The following PACS1 variants were observed in gnomAD, a reference collection of about 807,000 sequenced individuals.
The protein encoded by PACS1 is phosphofurin acidic cluster sorting protein 1.
A neutral mutation model predicts 115.0 loss-of-function variants in PACS1; 24 were observed. The observed-to-expected ratio is 0.21, with a 90% CI of 0.15 to 0.29. The LOEUF is 0.29. Among genes scored for constraint, PACS1 ranks in the 10% least tolerant of loss-of-function variants. PACS1 has a pLI of 1.00. For synonymous variants in PACS1, 453 were observed against 504.5 expected (o/e 0.90, Z 1.37); for missense variants, 838 against 1,251.2 (o/e 0.67, Z 4.98).
chr11:66,231,228 G>A (rs1855586393), intron 13 of PACS1, among the ~76,000 whole-genome samples: 1 of 152,230 alleles, frequency 6.6e-6, no homozygotes, highest in Admixed American at 6.5e-5. Context: ...CCACACCACC[G>A]GTGTCTCTGC....
chr11:66,087,126 A>G (rs943379239), intron 1 of PACS1, among the ~76,000 whole-genome samples: 1 of 150,726 alleles, frequency 6.6e-6, no homozygotes, highest in Non-Finnish European at 1.5e-5. Context: ...TTCTAATACC[A>G]CCCCTCCCAC....
At chr11:66,086,134 CTTTTTTT>C (rs1196106929) in intron 1 of PACS1, among the ~76,000 whole-genome samples, 14 of 122,814 alleles carry the variant, frequency 1.1e-4, no homozygotes, top group Non-Finnish European at 2.1e-4. Flanking sequence ...CTTATGATTT[CTTTTTTT>C]TTTTTTTTTT....
intron 4 of PACS1, among the ~76,000 whole-genome samples, chr11:66,215,612 A>T (rs1855182320): frequency 6.6e-6 from 1 of 151,408 alleles, no homozygotes; most frequent in African/African-American, 2.4e-5. Context: ...ATAATAATAA[A>T]AAACAGGCTG....
chr11:66,224,112 C>T (rs1341124605), intron 10 of PACS1, among the ~76,000 whole-genome samples: 1 of 142,504 alleles, frequency 7.0e-6, no homozygotes, highest in African/African-American at 2.6e-5. Flanking sequence ...CAGAGAATTG[C>T]TTGAACCTGG....
At chr11:66,120,942 G>A in intron 1 of PACS1, 4 of 451,750 alleles carry the variant, frequency 8.9e-6, no homozygotes, top group South Asian at 6.2e-5. Context: ...CAGGGCCTGT[G>A]CACGCCTCTC....
At chr11:66,213,770 A>G (rs1431169271) in intron 4 of PACS1, among the ~76,000 whole-genome samples, 1 of 152,218 alleles carries the variant, frequency 6.6e-6, no homozygotes, top group Non-Finnish European at 1.5e-5. Flanking sequence ...GCAGTGGCTT[A>G]CGCCTGTAAT....
At position 66,233,938 on chromosome 11, in the gene PACS1, C is replaced by T. The variant is rs780838334; in HGVS notation, c.1992C>T (p.Leu664=). ...LGYMRFLIIP[L]GSHPVAKYLG... is the part of the protein sequence containing the mutation. Reference sequence around the variant, plus strand: ...ACATGCGCTTCCTCATCATCCCCCTCGGTAAAGACGGGAGGCACCAGGAGG... The same window carrying T: ...ACATGCGCTTCCTCATCATCCCCCTTGGTAAAGACGGGAGGCACCAGGAGG... Residue 664 remains leucine (L), a splice_region_variant and synonymous_variant, in exon 16 of 24, where the codon CTC becomes CTT. Transcript: ENST00000320580. The surrounding 1 kb of genome is among the most constrained non-coding windows in gnomAD (Gnocchi z 4.5). 2.5e-6 allele frequency: 4 copies of T among 1,570,214 alleles called. No individual in the cohort carries two copies. Among genetic ancestry groups the T allele is most frequent in the East Asian group, 2.3e-5 (1 of 44,422 alleles).
intron 1 of PACS1, among the ~76,000 whole-genome samples, chr11:66,088,543 A>G (rs767359288): frequency 1.3e-5 from 2 of 152,202 alleles, no homozygotes; most frequent in Admixed American, 6.5e-5. Context: ...CACCTTGATC[A>G]TAAGTCCCAT....
intron 10 of PACS1, among the ~76,000 whole-genome samples, chr11:66,226,275 A>T (rs1397106831): frequency 6.6e-6 from 1 of 152,200 alleles, no homozygotes; most frequent in Non-Finnish European, 1.5e-5. Flanking sequence ...GTGAGCCATT[A>T]CACAAGCCAA....
At position 66,239,159 on chromosome 11, in the gene PACS1, C is replaced by T. The variant is rs531498383; in HGVS notation, c.2311C>T (p.Pro771Ser). ...CCTGACAGGCGATGGGGACGATTCT[C>T]CTGTGGTCAGCCTTACTGTGCCCTC... The part of the protein sequence containing the change: ...PSTAGDGDDS[P>S]VVSLTVPSTS... The change falls in exon 21 of 24, where the codon CCT (proline) becomes TCT (serine). Residue 771 changes from proline to serine, a missense_variant. This residue lies in a region of PACS1 where 383 missense variants were observed against 537.0 expected (regional missense o/e 0.71). Coordinates refer to ENST00000320580, the MANE Select transcript of PACS1 (RefSeq NM_018026.4). 9.9e-6 allele frequency: 16 copies of T among 1,614,190 alleles called. No individual in the cohort carries two copies. The highest frequency in any genetic ancestry group is 6.7e-5 in the African/African-American group (5 of 75,076).
intron 21 of PACS1, chr11:66,241,146 TC>T (rs1203859181): frequency 2.4e-6 from 1 of 410,254 alleles, no homozygotes. Context: ...ACACACACTT[TC>T]TTCCTTCATA....
chr11:66,167,362 G>C (rs1289779547), intron 1 of PACS1, among the ~76,000 whole-genome samples: 1 of 134,742 alleles, frequency 7.4e-6, no homozygotes, highest in African/African-American at 3.1e-5. Flanking sequence ...GTTGAGACAG[G>C]GTCTTACTCT....
Position 66,243,423 on chromosome 11 carries a change from A to G in PACS1, c.*143A>G. On this transcript the variant is annotated 3_prime_UTR_variant, in exon 24 of 24. Coordinates refer to ENST00000320580, the MANE Select transcript of PACS1 (RefSeq NM_018026.4). Reference sequence around the variant, plus strand: ...CTCACTCGCCCAGGTCCCGAAGGACACTGCCACAGGGACGCCTTCCCTCCC... The same window carrying G: ...CTCACTCGCCCAGGTCCCGAAGGACGCTGCCACAGGGACGCCTTCCCTCCC... 2 of 628,604 alleles carry G rather than the reference A, an allele frequency of 3.2e-6. No individual in the cohort carries two copies. Among genetic ancestry groups the G allele is most frequent in the South Asian group, 3.6e-5 (2 of 54,846 alleles). 38.9% of individuals were successfully genotyped at this position (628,604 alleles called of 1,614,324 possible). A position where few individuals can be genotyped will look rare whatever the true frequency, so the allele number is the denominator to read the frequency against.
chr11:66,219,146 A>C (rs1024564453), intron 7 of PACS1, among the ~76,000 whole-genome samples: 3 of 151,910 alleles, frequency 2.0e-5, no homozygotes, highest in Admixed American at 6.6e-5. Flanking sequence ...GCAGGGTATG[A>C]GATGTCAGCT....
At chr11:66,230,724 A>G (rs1855573669) in intron 12 of PACS1, 61 bp downstream of exon 12, 6 of 1,612,118 alleles carry the variant, frequency 3.7e-6, no homozygotes, top group Non-Finnish European at 5.1e-6. Context: ...CATGGGCTTC[A>G]GGGCTGAGGG....
At chr11:66,100,937 A>G (rs1857903730) in intron 1 of PACS1, 1 of 456,130 alleles carries the variant, frequency 2.2e-6, no homozygotes, top group Admixed American at 2.3e-5. Flanking sequence ...CGGAAGCCTC[A>G]GTGCCTGTCC....
chr11:66,213,159 T>C (rs1298522932), intron 4 of PACS1, among the ~76,000 whole-genome samples: 2 of 152,232 alleles, frequency 1.3e-5, no homozygotes, highest in South Asian at 2.1e-4. Flanking sequence ...GCCTCATTAA[T>C]TGGCTTTCTG....
At chr11:66,142,513 G>C (rs1243007391) in intron 1 of PACS1, among the ~76,000 whole-genome samples, 1 of 151,278 alleles carries the variant, frequency 6.6e-6, no homozygotes, top group Non-Finnish European at 1.5e-5. Flanking sequence ...TCGCCATGGT[G>C]CCCAGGCTGG....
intron 1 of PACS1, among the ~76,000 whole-genome samples, chr11:66,126,300 C>A (rs1276978281): frequency 6.6e-6 from 1 of 152,134 alleles, no homozygotes; most frequent in Non-Finnish European, 1.5e-5. Flanking sequence ...CCCTTGACTT[C>A]CAGTAATCAG....
Sources: allele counts gnomAD v4.1 joint callset (sites outside exome capture counted in the v4.1 genomes callset), GRCh38; gene constraint gnomAD v4.1.1; regional missense constraint gnomAD v4.1.1; non-coding constraint Gnocchi (gnomAD v3.1); transcripts MANE v1.5; gene names NCBI Gene and HGNC (gene_info 2026-07-23, HGNC 2026-07-21).